The following NRK variants were observed in gnomAD, a reference collection of about 807,000 sequenced individuals.
NRK encodes the protein Nik related kinase.
Under a neutral mutation model 125.2 loss-of-function variants are expected in NRK, and 67 were observed. That is an observed-to-expected ratio of 0.54 (90% CI 0.44 to 0.66). The LOEUF (loss-of-function observed/expected upper bound fraction) is 0.66. Ranked by LOEUF, NRK falls within the 30% of genes least tolerant of loss-of-function variation. The pLI is 0.00. For synonymous variants in NRK, 458 were observed against 429.0 expected (o/e 1.07, Z -0.84); for missense variants, 1,224 against 1,192.9 (o/e 1.03, Z -0.38).
At chrX:105,829,287 A>C (rs1010306625) in intron 1 of NRK, among the ~76,000 whole-genome samples, 2 of 112,292 alleles carry the variant, frequency 1.8e-5, no homozygotes, top group African/African-American at 6.5e-5. Context: ...AGATTACACA[A>C]ATATCACGGC....
intron 2 of NRK, among the ~76,000 whole-genome samples, chrX:105,834,116 T>G (rs1024664516): frequency 1.2e-5 from 1 of 85,635 alleles, no homozygotes; most frequent in Admixed American, 1.2e-4. Flanking sequence ...CCCTCTGGTG[T>G]GTACAACTTA....
At chrX:105,921,676 C>T (rs778017584) in intron 16 of NRK, among the ~76,000 whole-genome samples, 341 of 108,137 alleles carry the variant, frequency 3.2e-3, no homozygotes, top group Non-Finnish European at 5.4e-3. Context: ...TATGTATCTT[C>T]TTACATAGAT....
At chrX:105,872,229 T>C (rs1019517691) in intron 2 of NRK, among the ~76,000 whole-genome samples, 1 of 111,398 alleles carries the variant, frequency 9.0e-6, no homozygotes, top group East Asian at 2.9e-4. Flanking sequence ...TAAATGACTG[T>C]CCCTCAATCT....
rs773533186 is a variant in NRK at position 105,935,177 on chromosome X, T to C, written c.3507T>C (p.Ala1169=). The change falls in exon 21 of 29, where the codon GCT becomes GCC. Residue 1169 remains alanine (A), a synonymous_variant. Transcript: ENST00000243300. Reference sequence around the variant, plus strand: ...CCCCTTACATCTTTGCAGTATACGCTGGATTCGTAGAAGTACCTGAGGAAT... The same window carrying C: ...CCCCTTACATCTTTGCAGTATACGCCGGATTCGTAGAAGTACCTGAGGAAT... ...DANFASAILY[A]GFVEVPEESP... is the part of the protein sequence containing the mutation. 9.2e-6 allele frequency: 11 copies of C among 1,191,286 alleles called. No homozygotes were observed. The South Asian group carries it at 1.6e-4, about 17-fold the overall frequency.
At chrX:105,853,276 T>C (rs2039494611) in intron 2 of NRK, among the ~76,000 whole-genome samples, 1 of 111,703 alleles carries the variant, frequency 9.0e-6, no homozygotes, top group Admixed American at 9.5e-5. Context: ...GAGTACTGGT[T>C]GGGGGAGCAG....
chrX:105,869,197 A>G (rs1449098401), intron 2 of NRK, among the ~76,000 whole-genome samples: 1 of 111,523 alleles, frequency 9.0e-6, no homozygotes, highest in Non-Finnish European at 1.9e-5. Flanking sequence ...AATTCAAGGC[A>G]ACAGTCTACA....
intron 2 of NRK, among the ~76,000 whole-genome samples, chrX:105,857,569 C>T (rs1156708500): frequency 9.0e-6 from 1 of 111,101 alleles, no homozygotes; most frequent in Non-Finnish European, 1.9e-5. Context: ...TATTAATTTG[C>T]AGAGAACCTT....
chrX:105,892,276 A>C (rs2040025760), intron 5 of NRK, among the ~76,000 whole-genome samples: 1 of 111,957 alleles, frequency 8.9e-6, no homozygotes, highest in Non-Finnish European at 1.9e-5. Flanking sequence ...CTGGGAAATG[A>C]GAAAAACTTC....
intron 13 of NRK, among the ~76,000 whole-genome samples, chrX:105,911,628 C>T (rs2040303459): frequency 9.0e-6 from 1 of 110,993 alleles, no homozygotes; most frequent in Admixed American, 9.6e-5. Flanking sequence ...GTCTAGTTCT[C>T]AGAGAAAAAG....
chrX:105,870,598 A>G (rs1257718006), intron 2 of NRK, among the ~76,000 whole-genome samples: 2 of 111,981 alleles, frequency 1.8e-5, no homozygotes, highest in Admixed American at 9.5e-5. Context: ...ATTTTGTACA[A>G]TTCGTCATTT....
intron 27 of NRK, 118 bp from the exon 28 acceptor site, chrX:105,952,916 G>A: frequency 1.7e-6 from 1 of 593,098 alleles, no homozygotes. Context: ...AACAGGATGT[G>A]CTAACCTGAA....
At chrX:105,853,163 T>TG (rs768016107) in intron 2 of NRK, among the ~76,000 whole-genome samples, 7 of 111,989 alleles carry the variant, frequency 6.3e-5, no homozygotes, top group East Asian at 2.8e-4. Context: ...TCTCAAAGTT[T>TG]GGCCTCTTGA....
intron 4 of NRK, among the ~76,000 whole-genome samples, chrX:105,882,614 G>A (rs1053210948): frequency 6.3e-5 from 7 of 111,216 alleles, no homozygotes; most frequent in Non-Finnish European, 1.3e-4. Context: ...AGCATTTTGT[G>A]ACTTAGTAAA....
At chrX:105,930,080 G>A (rs1401654682) in intron 19 of NRK, among the ~76,000 whole-genome samples, 1 of 111,112 alleles carries the variant, frequency 9.0e-6, no homozygotes, top group Non-Finnish European at 1.9e-5. Context: ...GAATATATTT[G>A]ATAACCTTTG....
At chrX:105,949,405 C>T (rs1452425287) in intron 26 of NRK, among the ~76,000 whole-genome samples, 170 bp from the exon 27 acceptor site, 2 of 111,883 alleles carry the variant, frequency 1.8e-5, no homozygotes, top group African/African-American at 3.2e-5. Flanking sequence ...ATAAAGAAAG[C>T]AGCTCTCTTC....
intron 20 of NRK, among the ~76,000 whole-genome samples, chrX:105,934,891 G>A (rs1188561659): frequency 9.0e-6 from 1 of 111,694 alleles, no homozygotes; most frequent in African/African-American, 3.3e-5. Flanking sequence ...GTACATGGTA[G>A]CCTCAACCTC....
At chrX:105,930,251 C>T (rs187844170) in intron 19 of NRK, among the ~76,000 whole-genome samples, 33 of 110,874 alleles carry the variant, frequency 3.0e-4, no homozygotes, top group Non-Finnish European at 5.7e-4. Context: ...TATAGGCTCT[C>T]TTTATTCTTT....
At chrX:105,873,752 C>T (rs2039778341) in intron 2 of NRK, among the ~76,000 whole-genome samples, 1 of 111,397 alleles carries the variant, frequency 9.0e-6, no homozygotes, top group African/African-American at 3.3e-5. Flanking sequence ...CCAACCTCTG[C>T]TTCTGAATCT....
chrX:105,935,037 C>A, intron 20 of NRK, 133 bp from the exon 21 acceptor site: 1 of 465,849 alleles, frequency 2.1e-6, no homozygotes, highest in South Asian at 3.3e-5. Flanking sequence ...ATAAGGTGTA[C>A]AGAGGAGTAA....
Sources: gnomAD v4.1 joint callset for allele counts (sites outside exome capture counted in the v4.1 genomes callset) on GRCh38, gnomAD v4.1.1 for gene constraint, MANE v1.5 for transcripts, NCBI Gene and HGNC (gene_info 2026-07-23, HGNC 2026-07-21) for gene names.